SYT8: variants seen among roughly 807,000 people sequenced by gnomAD.
SYT8 encodes the protein synaptotagmin 8.
SYT8 carries 50 observed loss-of-function variants against 34.9 expected under a neutral mutation model. The observed-to-expected ratio is 1.43, with a 90% CI of 1.14 to 1.81. The LOEUF (loss-of-function observed/expected upper bound fraction) is 1.81, where lower values mean the gene tolerates loss of function less well. Ranked by LOEUF, SYT8 falls within the 40% of genes most tolerant of loss-of-function variation. The probability of loss-of-function intolerance (pLI) is 0.00; values close to 1 mark genes in which losing one functional copy is unlikely to be tolerated. For missense variants in SYT8, 595 were observed against 529.0 expected, an observed-to-expected ratio of 1.12 and a Z score of -1.22; for synonymous variants, 255 against 234.2, an observed-to-expected ratio of 1.09 and a Z score of -0.81.
chr11:1,835,820 G>A (rs151145287), intron 2 of SYT8, 66 bp from the exon 3 acceptor site: 16,398 of 1,404,476 alleles, frequency 0.012, 120 homozygotes, highest in Non-Finnish European at 0.014. Context: ...AGGGCTGCCC[G>A]GGAGCCCAGG....
intron 2 of SYT8, 70 bp downstream of exon 2, chr11:1,835,529 C>T (rs1415411029): frequency 1.5e-5 from 23 of 1,565,740 alleles, no homozygotes; most frequent in Admixed American, 1.7e-5. Context: ...CCCAGGGCAG[C>T]GAGGCGAGTT....
At position 1,836,212 on chromosome 11, in the gene SYT8, C is replaced by A; in HGVS notation, c.444C>A (p.Ala148=). ...CCCGGGTCAGCGTCTCCACCCAGGC[C>A]GGACACAGACATGAGACAAAAGTGC... ...PYARVSVSTQ[A]GHRHETKVHR... is the part of the protein sequence containing the mutation. Residue 148 remains alanine (A), a synonymous_variant, in exon 4 of 8, where the codon GCC becomes GCA. Coordinates refer to ENST00000341958, the MANE Select transcript of SYT8 (RefSeq NM_001394072.1). The A allele has an allele frequency of 6.3e-7, 1 of 1,590,878 alleles. No homozygotes were observed. The highest frequency in any genetic ancestry group is 1.1e-5 in the South Asian group (1 of 87,794).
Position 1,836,844 on chromosome 11 carries a change from T to C in SYT8, c.773T>C (p.Leu258Pro). Residue 258 changes from leucine (L) to proline (P), a missense_variant, in exon 6 of 8, where the codon CTG becomes CCG. Physicochemically the swap from Leu to Pro is moderately conservative, Grantham distance 98. Transcript: ENST00000341958. ...LTVVVLEARG[L>P]RPGLAEPYVK... The stretch of plus-strand genomic sequence containing the variant: ...GTGGTGGTGCTGGAGGCTCGAGGCC[T>C]GCGTCCAGGACTTGCAGGTGAGGGT... 6.2e-7 allele frequency: 1 copy of C among 1,611,852 alleles called. No homozygotes were observed. The highest frequency in any genetic ancestry group is 8.5e-7 in the Non-Finnish European group (1 of 1,179,962).
chr11:1,836,947 G>A lies in SYT8; in HGVS notation c.791-10G>A. 2 of 1,613,420 alleles carry A rather than the reference G, an allele frequency of 1.2e-6. No homozygotes were observed. Among genetic ancestry groups the A allele is most frequent in the Non-Finnish European group, 1.7e-6 (2 of 1,179,872 alleles). On this transcript the variant is annotated splice_polypyrimidine_tract_variant and intron_variant, in intron 6 of 7. Transcript: ENST00000341958. The stretch of plus-strand genomic sequence containing the variant: ...CCTGGGATGCCCCTTCGGCAACCTT[G>A]CCCTCCCAGAGCCCTACGTGAAGGT...
intron 4 of SYT8, 48 bp from the exon 5 acceptor site, chr11:1,836,377 G>A: frequency 6.7e-7 from 1 of 1,502,564 alleles, no homozygotes; most frequent in Non-Finnish European, 8.9e-7. Flanking sequence ...GGGCAGCTGG[G>A]TGGGCCTGAG....
chr11:1,836,075 G>A (rs760586893), intron 3 of SYT8, 51 bp from the exon 4 acceptor site: 3 of 1,550,716 alleles, frequency 1.9e-6, no homozygotes, highest in South Asian at 1.2e-5. Context: ...TGGGTGGTGG[G>A]GAGCTGACAG....
intron 2 of SYT8, 21 bp downstream of exon 2, chr11:1,835,480 C>T (rs1018108099): frequency 7.5e-6 from 12 of 1,607,204 alleles, no homozygotes; most frequent in South Asian, 1.1e-5. Flanking sequence ...GCTCCTTGCT[C>T]ACTCAGTCCA....
At chr11:1,834,308 G>A (rs1846780816), upstream of SYT8, 4 of 543,900 alleles carry the variant, frequency 7.4e-6, no homozygotes, top group East Asian at 1.4e-4. This position sits in a 1 kb window ranked among gnomAD's most constrained non-coding sequence, Gnocchi z 4.5. Context: ...ACATGCCGAA[G>A]GGTGGCCAGG....
chr11:1,836,616 C>A (rs1262143833), intron 5 of SYT8, 24 bp downstream of exon 5: 1 of 1,604,748 alleles, frequency 6.2e-7, no homozygotes, highest in South Asian at 1.1e-5. Flanking sequence ...CACCAGGCCA[C>A]AGCCCAAGGC....
At chr11:1,833,515 A>C (rs919835734), upstream of SYT8, among the ~76,000 whole-genome samples, 6 of 152,078 alleles carry the variant, frequency 3.9e-5, no homozygotes, top group African/African-American at 1.4e-4. Flanking sequence ...TCCTTTTTGT[A>C]CCTATAATCC....
chr11:1,836,729 G>C (rs1291975430), intron 5 of SYT8, 27 bp from the exon 6 acceptor site: 1 of 1,604,652 alleles, frequency 6.2e-7, no homozygotes, highest in East Asian at 2.2e-5. Context: ...CACCCTCCCG[G>C]GCTGAAGCCC....
At chr11:1,833,260 G>A (rs544299117), upstream of SYT8, among the ~76,000 whole-genome samples, 207 of 152,266 alleles carry the variant, frequency 1.4e-3, no homozygotes, top group African/African-American at 4.8e-3. Context: ...AGGGGCTGCC[G>A]AGGCCCGTGA....
upstream of SYT8, chr11:1,831,800 T>C (rs1360977777): frequency 2.2e-6 from 1 of 455,952 alleles, no homozygotes; most frequent in South Asian, 1.6e-5. Context: ...GAGTTCCCCG[T>C]CACCAGAGGC....
Position 1,835,351 on chromosome 11 carries a change from C to T in SYT8, c.150C>T (p.Ser50=). The stretch of plus-strand genomic sequence containing the variant: ...TTGCCGCGGGCGTCCTCCTCGTCTC[C>T]TGCCTCCTCTGTGCTGCCTGCTGCT... ...GALAAGVLLV[S]CLLCAACCCC... The change falls in exon 2 of 8, where the codon TCC becomes TCT. Residue 50 remains serine (S), a synonymous_variant. Transcript: ENST00000341958. 1 of 1,605,816 alleles carries T rather than the reference C, an allele frequency of 6.2e-7. No homozygotes were observed. Among genetic ancestry groups the T allele is most frequent in the Non-Finnish European group, 8.5e-7 (1 of 1,177,916 alleles).
At chr11:1,835,225 G>C in intron 1 of SYT8, 26 bp downstream of exon 1, 1 of 1,611,278 alleles carries the variant, frequency 6.2e-7, no homozygotes, top group African/African-American at 1.3e-5. Flanking sequence ...CCCAAGAGGG[G>C]TGTGGGGATA....
chr11:1,836,917 C>G (rs377582910), intron 6 of SYT8, 40 bp from the exon 7 acceptor site: 2 of 1,612,800 alleles, frequency 1.2e-6, no homozygotes, highest in South Asian at 2.2e-5. Context: ...TGCTCAGCCC[C>G]GAGCCCTGGG....
chr11:1,836,431 C>T lies in SYT8; in HGVS notation c.523C>T (p.Gln175Ter), dbSNP rs1443293520. The T allele has an allele frequency of 2.6e-6, 4 of 1,562,316 alleles. No individual in the cohort carries two copies. Among genetic ancestry groups the T allele is most frequent in the East Asian group, 2.3e-5 (1 of 43,272 alleles). Residue 175 changes from glutamine (Q) to a stop codon, truncating the protein, a stop_gained, in exon 5 of 8, where the codon CAG (glutamine) becomes TAG (stop). Transcript: ENST00000341958. LOFTEE classifies it high-confidence loss of function. ...FDETCCFHIPQAELPGATLQV... is the reference protein window; with the variant it reads ...FDETCCFHIP ...GCTCACGCCGCTGCCTCAGATCCCG[C>T]AGGCGGAGCTGCCAGGGGCCACCCT...
Position 1,835,164 on chromosome 11 carries a change from C to G in SYT8, c.59C>G (p.Pro20Arg). Residue 20 changes from proline (P) to arginine (R), a missense_variant, in exon 1 of 8, where the codon CCT (proline) becomes CGT (arginine). Coordinates refer to ENST00000341958, the MANE Select transcript of SYT8 (RefSeq NM_001394072.1). ...APAPAGTTAI[P>R]GLIPDLVAGT... ...GCCCCAGCTGGCACCACAGCTATAC[C>G]TGGGCTTATTCCAGACCTTGTCGCC... 2.5e-6 allele frequency: 4 copies of G among 1,613,486 alleles called. No homozygotes were observed. The highest frequency in any genetic ancestry group is 3.4e-6 in the Non-Finnish European group (4 of 1,179,944).
upstream of SYT8, chr11:1,833,811 C>CGT (rs1228953651): frequency 7.1e-6 from 1 of 140,670 alleles, no homozygotes; most frequent in Non-Finnish European, 1.5e-5. Flanking sequence ...GCTGTGTGCG[C>CGT]GTGCGTGTGT....
Sources: gnomAD v4.1 joint callset for allele counts (sites outside exome capture counted in the v4.1 genomes callset) on GRCh38, gnomAD v4.1.1 for gene constraint, Gnocchi (gnomAD v3.1) non-coding constraint, MANE v1.5 for transcripts, NCBI Gene and HGNC (gene_info 2026-07-23, HGNC 2026-07-21) for gene names.